Variants in MAP3K7CL observed in about 807,000 individuals in gnomAD.
MAP3K7CL encodes MAP3K7 C-terminal-like protein.
MAP3K7CL carries 16 observed loss-of-function variants against 18.6 expected under a neutral mutation model. That is an observed-to-expected ratio of 0.86 (90% CI 0.58 to 1.31). The LOEUF is 1.31. Ranked by LOEUF, MAP3K7CL falls within the 50% of genes most tolerant of loss-of-function variation. The pLI is 0.00. For synonymous variants in MAP3K7CL, 65 were observed against 66.8 expected, an observed-to-expected ratio of 0.97 and a Z score of 0.13; for missense variants, 163 against 174.4, an observed-to-expected ratio of 0.93 and a Z score of 0.37.
upstream of MAP3K7CL, chr21:29,128,317 T>G (rs1373451036): frequency 6.6e-6 from 1 of 152,038 alleles, no homozygotes; most frequent in Non-Finnish European, 1.5e-5. Flanking sequence ...TTTTTTTTTT[T>G]TTTGAGATGG....
rs1306416708 is a variant in MAP3K7CL at position 29,119,229 on chromosome 21, A to G, written c.370+26648A>G. Among the ~76,000 whole-genome samples, 5 of 152,230 alleles carry G rather than the reference A, an allele frequency of 3.3e-5. No homozygotes were observed. In the South Asian group the frequency reaches 1.0e-3, roughly 31 times the overall value. Reference sequence around the variant, plus strand: ...AAATGTATTCACAGCTGAGGCAAATAGTCAACGATGGTTATTTTTACTTTA... The same window carrying G: ...AAATGTATTCACAGCTGAGGCAAATGGTCAACGATGGTTATTTTTACTTTA... On this transcript the variant is annotated intron_variant, in intron 4 of 6. Coordinates refer to the MAP3K7CL transcript ENST00000286791.
At chr21:29,086,243 G>A (rs2832159) in intron 1 of MAP3K7CL, among the ~76,000 whole-genome samples, 28,054 of 152,148 alleles carry the variant, frequency 0.18, 3,049 homozygotes, top group African/African-American at 0.3. Context: ...TAAATGATCC[G>A]TGGAGTAAGG....
chr21:29,166,678 C>T (rs911359058), intron 4 of MAP3K7CL, among the ~76,000 whole-genome samples: 2 of 152,156 alleles, frequency 1.3e-5, no homozygotes, highest in East Asian at 3.8e-4. Context: ...TTGTGATTGG[C>T]TTTTTTCACT....
Position 29,173,016 on chromosome 21 carries a change from C to A in MAP3K7CL, c.249-1696C>A, listed in dbSNP as rs960113370. ...GAGAGGCTTTTAGAAATGTAGCCAACTGTAGTGATGAAAGAATGTAAGGAA... is the reference window on the plus strand; with the variant it reads ...GAGAGGCTTTTAGAAATGTAGCCAAATGTAGTGATGAAAGAATGTAAGGAA... On this transcript the variant is annotated intron_variant, in intron 4 of 4. Coordinates refer to ENST00000399928, the MANE Select transcript of MAP3K7CL (RefSeq NM_001286620.2). Among the ~76,000 whole-genome samples the A allele has an allele frequency of 2.0e-5, 3 of 152,130 alleles. No homozygotes were observed. The South Asian group carries it at 6.2e-4, about 31-fold the overall frequency.
chr21:29,163,693 CTTTTTTTTTTTT>C (rs397866386), intron 4 of MAP3K7CL, among the ~76,000 whole-genome samples: 1 of 126,004 alleles, frequency 7.9e-6, no homozygotes, highest in Non-Finnish European at 1.7e-5. Flanking sequence ...CCCTTTCTTC[CTTTTTTTTTTTT>C]TTTTTTTTGA....
upstream of MAP3K7CL, among the ~76,000 whole-genome samples, chr21:29,126,453 T>G (rs919987850): frequency 1.3e-5 from 2 of 152,112 alleles, no homozygotes; most frequent in South Asian, 2.1e-4. Flanking sequence ...CTTTCTGTTT[T>G]TTTGTTTGTT....
chr21:29,150,200 A>G (rs2087236830), intron 3 of MAP3K7CL, among the ~76,000 whole-genome samples: 1 of 152,214 alleles, frequency 6.6e-6, no homozygotes, highest in South Asian at 2.1e-4. Context: ...ATTCCTGGAC[A>G]GCCCTCAACA....
chr21:29,115,335 T>G (rs1011473201), intron 4 of MAP3K7CL, among the ~76,000 whole-genome samples: 36 of 152,226 alleles, frequency 2.4e-4, no homozygotes, highest in African/African-American at 8.0e-4. Flanking sequence ...AGATTTGGCT[T>G]GTTTGTGTTT....
At chr21:29,153,761 C>T (rs915678637) in intron 3 of MAP3K7CL, among the ~76,000 whole-genome samples, 3 of 152,086 alleles carry the variant, frequency 2.0e-5, no homozygotes, top group Non-Finnish European at 4.4e-5. Flanking sequence ...TACTTTTCTT[C>T]AGGTCTCAGC....
upstream of MAP3K7CL, among the ~76,000 whole-genome samples, chr21:29,082,028 G>A (rs117829463): frequency 2.2e-3 from 340 of 152,206 alleles, 8 homozygotes; most frequent in East Asian, 0.059. Flanking sequence ...TAAGTTAAAT[G>A]GTTATTTCAA....
At chr21:29,168,841 G>A (rs1404052913) in intron 4 of MAP3K7CL, among the ~76,000 whole-genome samples, 1 of 152,214 alleles carries the variant, frequency 6.6e-6, no homozygotes, top group Non-Finnish European at 1.5e-5. Flanking sequence ...CTCAGTGAGA[G>A]CTCTTTTAAG....
chr21:29,172,245 T>TC (rs1293039508), intron 4 of MAP3K7CL, among the ~76,000 whole-genome samples: 11 of 149,602 alleles, frequency 7.4e-5, no homozygotes, highest in Non-Finnish European at 1.5e-4. Flanking sequence ...CATTTTCTTT[T>TC]TTTTTTTTTT....
chr21:29,105,701 T>G (rs1483194611), intron 4 of MAP3K7CL, among the ~76,000 whole-genome samples: 1 of 152,146 alleles, frequency 6.6e-6, no homozygotes, highest in Non-Finnish European at 1.5e-5. Flanking sequence ...AATCTCGTCT[T>G]AGAAGCTCTG....
At chr21:29,086,106 C>G (rs2085921318) in intron 1 of MAP3K7CL, among the ~76,000 whole-genome samples, 1 of 152,220 alleles carries the variant, frequency 6.6e-6, no homozygotes, top group African/African-American at 2.4e-5. Flanking sequence ...GATTGAAACT[C>G]TGGGACACCG....
chr21:29,156,692 C>A (rs2087412969), intron 3 of MAP3K7CL, among the ~76,000 whole-genome samples: 1 of 152,184 alleles, frequency 6.6e-6, no homozygotes. Flanking sequence ...CTACATGGAA[C>A]AACACATCAC....
chr21:29,089,920 G>A (rs1195926465), intron 1 of MAP3K7CL, among the ~76,000 whole-genome samples: 1 of 151,522 alleles, frequency 6.6e-6, no homozygotes, highest in African/African-American at 2.4e-5. Context: ...GGAGTAAGGA[G>A]AATAAGAAAG....
At chr21:29,089,095 A>G (rs2085974761) in intron 1 of MAP3K7CL, among the ~76,000 whole-genome samples, 1 of 140,826 alleles carries the variant, frequency 7.1e-6, no homozygotes, top group Admixed American at 7.7e-5. Flanking sequence ...ACTTGTACCC[A>G]GGAGGGAGAG....
intron 4 of MAP3K7CL, among the ~76,000 whole-genome samples, chr21:29,112,408 ATTAC>A (rs771175751): frequency 2.6e-4 from 40 of 152,104 alleles, no homozygotes; most frequent in Non-Finnish European, 4.3e-4. Context: ...TTTTTCTTTT[ATTAC>A]TTTGTTTTAT....
intron 4 of MAP3K7CL, among the ~76,000 whole-genome samples, chr21:29,123,171 C>A (rs1406601950): frequency 1.3e-5 from 2 of 151,010 alleles, no homozygotes; most frequent in African/African-American, 4.9e-5. Context: ...CAAGTGATTC[C>A]CCTGCCTCAG....
Sources: allele counts gnomAD v4.1 joint callset (sites outside exome capture counted in the v4.1 genomes callset), GRCh38; gene constraint gnomAD v4.1.1; transcripts MANE v1.5; gene names NCBI Gene and HGNC (gene_info 2026-07-23, HGNC 2026-07-21).